PXDNL: variants seen among roughly 807,000 people sequenced by gnomAD.
The protein encoded by PXDNL is probable oxidoreductase PXDNL.
PXDNL carries 145 observed loss-of-function variants against 150.8 expected under a neutral mutation model. The ratio of observed to expected loss-of-function variants is 0.96; its 90% CI spans 0.84 to 1.10. The LOEUF (loss-of-function observed/expected upper bound fraction) is 1.10, where lower values mean the gene tolerates loss of function less well. PXDNL is among the 50% of genes least tolerant of loss of function. The probability of loss-of-function intolerance (pLI) is 0.00; values close to 1 mark genes in which losing one functional copy is unlikely to be tolerated. For missense variants in PXDNL, 2,087 were observed against 1,873.9 expected (o/e 1.11, Z -2.10); for synonymous variants, 757 against 725.7 (o/e 1.04, Z -0.69).
chr8:51,732,424 T>C (rs538695445), intron 1 of PXDNL, among the ~76,000 whole-genome samples: 1 of 152,322 alleles, frequency 6.6e-6, no homozygotes, highest in South Asian at 2.1e-4. Flanking sequence ...GTCAAAGCCA[T>C]TTAACAAGTC....
intron 2 of PXDNL, among the ~76,000 whole-genome samples, chr8:51,630,978 T>A (rs1442167443): frequency 6.6e-6 from 1 of 152,124 alleles, no homozygotes; most frequent in East Asian, 1.9e-4. Flanking sequence ...GACACATGCA[T>A]ACTTATGTTC....
rs1289803479 is a variant in PXDNL, at chr8:51,542,976, T to TGAAATAATAATAAC, written c.380+13850_380+13863dup. Among the ~76,000 whole-genome samples, 14 of 151,990 alleles carry TGAAATAATAATAAC rather than the reference T, an allele frequency of 9.2e-5. No individual in the cohort carries two copies. The East Asian group carries it at 2.7e-3, about 29-fold the overall frequency. ...GTTAGCTCTGTCAGAAAGTAATTGCTGAAATAATAATAACAAAATAATTAA... is the reference window on the plus strand; with the variant it reads ...GTTAGCTCTGTCAGAAAGTAATTGCTGAAATAATAATAACGAAATAATAATAACAAAATAATTAA... On this transcript the variant is annotated intron_variant, in intron 4 of 22. Coordinates refer to ENST00000356297, the MANE Select transcript of PXDNL (RefSeq NM_144651.5).
intron 21 of PXDNL, among the ~76,000 whole-genome samples, chr8:51,338,125 G>C (rs1805883476): frequency 6.7e-6 from 1 of 148,818 alleles, no homozygotes; most frequent in South Asian, 2.1e-4. Flanking sequence ...GTAGGTTGCA[G>C]TGAGCCAAGA....
chr8:51,580,582 C>T (rs1813186594), intron 3 of PXDNL, among the ~76,000 whole-genome samples: 1 of 152,106 alleles, frequency 6.6e-6, no homozygotes, highest in African/African-American at 2.4e-5. Flanking sequence ...TCATGTTCCA[C>T]CAAAGTCATC....
rs1338495028 is a variant in PXDNL at position 51,361,958 on chromosome 8, A to G, written c.3901+9915T>C. The stretch of plus-strand genomic sequence containing the variant: ...ATCTCAAAAAAAAAAAAAAAAAAAA[A>G]AAAAAAAGAAAAGAAAAGAAAAAGA... On this transcript the variant is annotated intron_variant, in intron 19 of 22. Coordinates refer to ENST00000356297, the MANE Select transcript of PXDNL (RefSeq NM_144651.5). Among the ~76,000 whole-genome samples, 634 of 149,350 alleles carry G rather than the reference A, an allele frequency of 4.2e-3. 6 individuals are homozygous for G. Among genetic ancestry groups the G allele is most frequent in the African/African-American group, 0.015 (591 of 40,110 alleles).
intron 2 of PXDNL, among the ~76,000 whole-genome samples, chr8:51,643,079 G>C (rs918055628): frequency 1.3e-5 from 2 of 152,094 alleles, no homozygotes; most frequent in African/African-American, 4.8e-5. Context: ...CATGCTCATG[G>C]GTAGGAAGAA....
At chr8:51,360,862 C>T (rs371471437) in intron 19 of PXDNL, among the ~76,000 whole-genome samples, 49 of 152,310 alleles carry the variant, frequency 3.2e-4, no homozygotes, top group East Asian at 3.1e-3. Context: ...TTTTTCTGTC[C>T]GTAAATCTTC....
chr8:51,420,798 C>T (rs1263417434), intron 14 of PXDNL, among the ~76,000 whole-genome samples: 1 of 152,182 alleles, frequency 6.6e-6, no homozygotes, highest in Non-Finnish European at 1.5e-5. Context: ...AAGTGATTCT[C>T]TTGCCTCGGC....
chr8:51,444,933 G>C (rs2129912228), intron 12 of PXDNL, among the ~76,000 whole-genome samples: 1 of 151,088 alleles, frequency 6.6e-6, no homozygotes, highest in South Asian at 2.1e-4. Context: ...TCAACATGGA[G>C]TCTTGCTTTG....
chr8:51,364,369 C>T (rs1044039407), intron 19 of PXDNL, among the ~76,000 whole-genome samples: 1 of 152,144 alleles, frequency 6.6e-6, no homozygotes, highest in Non-Finnish European at 1.5e-5. Flanking sequence ...CCACTGGAAA[C>T]CTTAAGGTTA....
intron 3 of PXDNL, among the ~76,000 whole-genome samples, chr8:51,580,755 T>G (rs1275314897): frequency 1.3e-5 from 2 of 152,144 alleles, no homozygotes; most frequent in Non-Finnish European, 2.9e-5. Context: ...AACAGCTATA[T>G]GACAAACTCA....
intron 17 of PXDNL, among the ~76,000 whole-genome samples, chr8:51,399,129 G>T (rs1238915522): frequency 6.6e-6 from 1 of 152,164 alleles, no homozygotes; most frequent in Non-Finnish European, 1.5e-5. Flanking sequence ...TACACTGCCA[G>T]TGGGAGTGAA....
chr8:51,457,038 A>G (rs1280151175), intron 9 of PXDNL, among the ~76,000 whole-genome samples: 1 of 152,242 alleles, frequency 6.6e-6, no homozygotes, highest in Non-Finnish European at 1.5e-5. Context: ...TGGTTTATAT[A>G]AGCCACTGAA....
chr8:51,729,795 C>A (rs1816882867), intron 1 of PXDNL, among the ~76,000 whole-genome samples: 1 of 152,074 alleles, frequency 6.6e-6, no homozygotes, highest in Non-Finnish European at 1.5e-5. Flanking sequence ...ACACCAGGAA[C>A]TATTAAGCAG....
intron 6 of PXDNL, among the ~76,000 whole-genome samples, chr8:51,480,852 C>T (rs1394820859): frequency 1.3e-5 from 2 of 152,186 alleles, no homozygotes; most frequent in African/African-American, 4.8e-5. Flanking sequence ...GATTGTGAGG[C>T]CTCCCTAGCC....
chr8:51,788,725 C>T (rs973620504), intron 1 of PXDNL, among the ~76,000 whole-genome samples: 8 of 152,302 alleles, frequency 5.3e-5, no homozygotes, highest in African/African-American at 1.9e-4. Context: ...CTCACAGTCC[C>T]ACAGCTCGTG....
At chr8:51,327,371 T>C (rs1019061766) in intron 21 of PXDNL, among the ~76,000 whole-genome samples, 1 of 152,226 alleles carries the variant, frequency 6.6e-6, no homozygotes, top group South Asian at 2.1e-4. Context: ...ATGGCCCTGA[T>C]ACAATCATGT....
At chr8:51,502,008 A>G (rs1380663899) in intron 4 of PXDNL, among the ~76,000 whole-genome samples, 1 of 152,220 alleles carries the variant, frequency 6.6e-6, no homozygotes, top group Non-Finnish European at 1.5e-5. Context: ...GTAGAGTACA[A>G]ATAGACATTT....
chr8:51,378,764 G>A (rs1807437916), intron 17 of PXDNL, among the ~76,000 whole-genome samples: 1 of 149,430 alleles, frequency 6.7e-6, no homozygotes, highest in African/African-American at 2.6e-5. Flanking sequence ...GCGGCCTTAA[G>A]AGCTGTAACA....
Sources: allele counts gnomAD v4.1 joint callset (sites outside exome capture counted in the v4.1 genomes callset), GRCh38; gene constraint gnomAD v4.1.1; transcripts MANE v1.5; gene names NCBI Gene and HGNC (gene_info 2026-07-23, HGNC 2026-07-21).